The following ANKRD33B variants were observed in gnomAD, a reference collection of about 807,000 sequenced individuals.
ANKRD33B encodes the protein ankyrin repeat domain-containing protein 33B.
ANKRD33B carries 6 observed loss-of-function variants against 21.5 expected under a neutral mutation model. That is an observed-to-expected ratio of 0.28 (90% confidence interval 0.15 to 0.55). The LOEUF (loss-of-function observed/expected upper bound fraction) is 0.55. Ranked by LOEUF, ANKRD33B falls within the 20% of genes least tolerant of loss-of-function variation. The probability of loss-of-function intolerance (pLI) is 0.94; values close to 1 mark genes in which losing one functional copy is unlikely to be tolerated. For missense variants in ANKRD33B, 698 were observed against 747.2 expected, an observed-to-expected ratio of 0.93 and a Z score of 0.77; for synonymous variants, 347 against 342.4, an observed-to-expected ratio of 1.01 and a Z score of -0.15.
chr5:10,568,561 G>A (rs559275919), intron 1 of ANKRD33B, among the ~76,000 whole-genome samples: 45 of 152,292 alleles, frequency 3.0e-4, no homozygotes, highest in Admixed American at 2.7e-3. Flanking sequence ...TTGAGACTGA[G>A]TCTTGCTCTG....
At chr5:10,609,865 T>C (rs1736127069) in intron 1 of ANKRD33B, among the ~76,000 whole-genome samples, 1 of 152,154 alleles carries the variant, frequency 6.6e-6, no homozygotes, top group Non-Finnish European at 1.5e-5. Flanking sequence ...GCTGAGATTG[T>C]GCCATTGCAC....
At chr5:10,612,657 C>T (rs766888387) in intron 1 of ANKRD33B, among the ~76,000 whole-genome samples, 4 of 152,230 alleles carry the variant, frequency 2.6e-5, no homozygotes, top group African/African-American at 4.8e-5. Context: ...ATCTCTCTTG[C>T]GCCGTTGCAG....
chr5:10,648,557 C>T (rs567430881), intron 3 of ANKRD33B, among the ~76,000 whole-genome samples: 1 of 151,648 alleles, frequency 6.6e-6, no homozygotes, highest in South Asian at 2.1e-4. Context: ...GTTGGGAGTT[C>T]GAGACTAGCC....
intron 1 of ANKRD33B, among the ~76,000 whole-genome samples, chr5:10,614,893 C>A (rs7712746): frequency 0.83 from 119,328 of 144,638 alleles, 48,174 homozygotes; most frequent in East Asian, 0.95. Flanking sequence ...TCTCAAAAAA[C>A]AAAAAAAGTG....
intron 2 of ANKRD33B, among the ~76,000 whole-genome samples, chr5:10,631,784 C>T (rs1001565592): frequency 2.6e-5 from 4 of 152,144 alleles, no homozygotes; most frequent in African/African-American, 9.7e-5. Flanking sequence ...GTTTTCAGGC[C>T]CTGACCTCAA....
chr5:10,639,201 C>T (rs1278267024), intron 3 of ANKRD33B, among the ~76,000 whole-genome samples: 2 of 40,370 alleles, frequency 5.0e-5, no homozygotes, highest in African/African-American at 1.6e-4. Flanking sequence ...TAGGCGGTGA[C>T]GTGGAGTTGC....
At chr5:10,647,743 GC>G (rs1737220739) in intron 3 of ANKRD33B, among the ~76,000 whole-genome samples, 1 of 152,210 alleles carries the variant, frequency 6.6e-6, no homozygotes, top group African/African-American at 2.4e-5. Flanking sequence ...AACTCAGGCA[GC>G]AGTAAGTAGA....
chr5:10,655,505 C>T lies in ANKRD33B; in HGVS notation c.*5392C>T, dbSNP rs1236984500. ...CTTACCCTGGGGACTCAAGTGTGCT[C>T]TGCGGAGTGAGTCACAGCCCTGATG... On this transcript the variant is annotated 3_prime_UTR_variant, in exon 4 of 4. Transcript: ENST00000296657. 1 of 152,344 alleles carries T rather than the reference C, an allele frequency of 6.6e-6. No individual in the cohort carries two copies. The highest frequency in any genetic ancestry group is 1.9e-4 in the East Asian group (1 of 5,322). 9.4% of individuals were successfully genotyped at this position (152,344 alleles called of 1,614,324 possible).
chr5:10,566,535 G>A (rs1735066531), intron 1 of ANKRD33B, among the ~76,000 whole-genome samples: 1 of 152,232 alleles, frequency 6.6e-6, no homozygotes, highest in Non-Finnish European at 1.5e-5. Flanking sequence ...CAGTGGGCTG[G>A]AATGGGCACA....
At chr5:10,565,595 G>A (rs973064452) in intron 1 of ANKRD33B, among the ~76,000 whole-genome samples, 6 of 152,216 alleles carry the variant, frequency 3.9e-5, no homozygotes, top group African/African-American at 1.4e-4. Flanking sequence ...CTATCCTTTC[G>A]TTATGACCAG....
chr5:10,633,407 C>CT (rs1736779826), intron 2 of ANKRD33B, among the ~76,000 whole-genome samples: 1 of 147,110 alleles, frequency 6.8e-6, no homozygotes, highest in East Asian at 2.0e-4. Context: ...CCTATCTCCT[C>CT]TTTTTTTAAA....
chr5:10,649,329 C>T lies in ANKRD33B; in HGVS notation c.701C>T (p.Thr234Met), dbSNP rs573935373. Residue 234 changes from threonine to methionine, a missense_variant, in exon 4 of 4, where the codon ACG becomes ATG. Around this residue, in one of 3 missense-constraint regions of ANKRD33B, gnomAD observed 543 missense variants for 566.5 expected, o/e 0.96. Coordinates refer to ENST00000296657, the MANE Select transcript of ANKRD33B (RefSeq NM_001164440.2). ...TCGCCGCAGGAGTGGGCCACTTACA[C>T]GGGCCGCGTGGATGCCGTCCGTCTC... The part of the protein sequence containing the change: ...GMSPQEWATY[T>M]GRVDAVRLMQ... 5.9e-6 allele frequency: 9 copies of T among 1,534,434 alleles called. No homozygotes were observed. Among genetic ancestry groups the T allele is most frequent in the South Asian group, 4.8e-5 (4 of 83,960 alleles).
chr5:10,593,228 G>A (rs1445461549), intron 1 of ANKRD33B, among the ~76,000 whole-genome samples: 1 of 151,940 alleles, frequency 6.6e-6, no homozygotes, highest in African/African-American at 2.4e-5. Flanking sequence ...TGGCATAATA[G>A]GACTCTCTTT....
intron 1 of ANKRD33B, among the ~76,000 whole-genome samples, chr5:10,609,393 A>G (rs1409929489): frequency 6.6e-6 from 1 of 151,868 alleles, no homozygotes; most frequent in East Asian, 1.9e-4. Flanking sequence ...TCTCTACAAA[A>G]ATACAAAAAT....
At chr5:10,616,715 T>C (rs1398874023) in intron 1 of ANKRD33B, among the ~76,000 whole-genome samples, 1 of 152,094 alleles carries the variant, frequency 6.6e-6, no homozygotes, top group African/African-American at 2.4e-5. Flanking sequence ...CTGCCCTGGG[T>C]TGAATTTTAG....
At chr5:10,628,851 G>C (rs1183486022) in intron 2 of ANKRD33B, among the ~76,000 whole-genome samples, 1 of 152,126 alleles carries the variant, frequency 6.6e-6, no homozygotes, top group Admixed American at 6.5e-5. Flanking sequence ...AGGGGCACCA[G>C]GGAAGACCTG....
chr5:10,609,295 G>A (rs1736115823), intron 1 of ANKRD33B, among the ~76,000 whole-genome samples: 1 of 152,192 alleles, frequency 6.6e-6, no homozygotes, highest in Non-Finnish European at 1.5e-5. Flanking sequence ...GCTCATGCCT[G>A]TAATCTCAGC....
chr5:10,647,433 G>A (rs1737213773), intron 3 of ANKRD33B, among the ~76,000 whole-genome samples: 1 of 152,162 alleles, frequency 6.6e-6, no homozygotes, highest in Non-Finnish European at 1.5e-5. Context: ...AACAGTATGT[G>A]GGACTGAGAT....
chr5:10,626,567 G>A lies in ANKRD33B; in HGVS notation c.496+8105G>A, dbSNP rs972469427. Among the ~76,000 whole-genome samples, 7 of 152,282 alleles carry A rather than the reference G, an allele frequency of 4.6e-5. No homozygotes were observed. The East Asian group carries it at 1.3e-3, about 29-fold the overall frequency. ...TTCTCTTGCAACACAAGACATCTGC[G>A]GGCGATGTTGCAGGGTTGCTTCACT... On this transcript the variant is annotated intron_variant, in intron 2 of 3. Transcript: ENST00000296657.
Sources: allele counts gnomAD v4.1 joint callset (sites outside exome capture counted in the v4.1 genomes callset), GRCh38; gene constraint gnomAD v4.1.1; regional missense constraint gnomAD v4.1.1; transcripts MANE v1.5; gene names NCBI Gene and HGNC (gene_info 2026-07-23, HGNC 2026-07-21).